Variants in KCNN2 observed in about 807,000 individuals in gnomAD.
KCNN2 encodes small conductance calcium-activated potassium channel protein 2.
A neutral mutation model predicts 55.5 loss-of-function variants in KCNN2; 24 were observed. The observed-to-expected ratio is 0.43, with a 90% CI of 0.31 to 0.61. The LOEUF (loss-of-function observed/expected upper bound fraction) is 0.61, where lower values mean the gene tolerates loss of function less well. Ranked by LOEUF, KCNN2 falls within the 20% of genes least tolerant of loss-of-function variation. KCNN2 has a pLI of 0.08. For synonymous variants in KCNN2, 431 were observed against 336.1 expected, an observed-to-expected ratio of 1.28 and a Z score of -3.09; for missense variants, 754 against 853.6, an observed-to-expected ratio of 0.88 and a Z score of 1.45.
At chr5:114,467,942 T>A (rs1761532974) in intron 4 of KCNN2, among the ~76,000 whole-genome samples, 2 of 152,176 alleles carry the variant, frequency 1.3e-5, no homozygotes, top group South Asian at 4.1e-4. Context: ...ACCAGTTTTA[T>A]GAGGTACTTC....
intron 1 of KCNN2, among the ~76,000 whole-genome samples, chr5:114,207,460 T>G (rs535058391): frequency 1.3e-5 from 2 of 152,346 alleles, no homozygotes; most frequent in Non-Finnish European, 2.9e-5. Context: ...TTGGCTAACT[T>G]TTAATACCCA....
chr5:114,087,947 G>T (rs907400973), intron 1 of KCNN2, among the ~76,000 whole-genome samples: 16 of 151,734 alleles, frequency 1.1e-4, no homozygotes, highest in Non-Finnish European at 2.1e-4. Context: ...TTCTATGTGG[G>T]TTATAAATCT....
chr5:114,244,429 CT>C (rs1224741795), intron 2 of KCNN2, among the ~76,000 whole-genome samples: 1 of 152,010 alleles, frequency 6.6e-6, no homozygotes, highest in African/African-American at 2.4e-5. Flanking sequence ...AACCTTGTCT[CT>C]GCTAAAAATA....
At chr5:114,410,011 G>A (rs1759080718) in intron 3 of KCNN2, among the ~76,000 whole-genome samples, 1 of 152,146 alleles carries the variant, frequency 6.6e-6, no homozygotes, top group Non-Finnish European at 1.5e-5. Flanking sequence ...TCTGGTTATG[G>A]TTTGGCTTTG....
At chr5:114,448,201 C>G (rs1760498234) in intron 3 of KCNN2, among the ~76,000 whole-genome samples, 1 of 152,024 alleles carries the variant, frequency 6.6e-6, no homozygotes, top group South Asian at 2.1e-4. Flanking sequence ...TCTTGTTACC[C>G]AACTCTTCTT....
intron 2 of KCNN2, among the ~76,000 whole-genome samples, chr5:114,284,618 A>G (rs932667510): frequency 9.9e-5 from 15 of 152,086 alleles, no homozygotes; most frequent in Non-Finnish European, 4.4e-5. Flanking sequence ...CCGTGGTTCA[A>G]GTGATTCTCC....
Position 114,364,014 on chromosome 5 carries a change from C to A in KCNN2, c.1218+13C>A, listed in dbSNP as rs1202274579. 1 of 1,593,804 alleles carries A rather than the reference C, an allele frequency of 6.3e-7. No homozygotes were observed. The highest frequency in any genetic ancestry group is 2.2e-5 in the East Asian group (1 of 44,730). ...CAGGGAAATACAGGTAACTTAGGTC[C>A]TGCTGTTTATGAATGACCCAAAGCC... On this transcript the variant is annotated intron_variant, in intron 2 of 7. Transcript: ENST00000673685.
intron 1 of KCNN2, among the ~76,000 whole-genome samples, chr5:114,175,119 G>A (rs1052424877): frequency 2.0e-5 from 3 of 152,058 alleles, no homozygotes; most frequent in African/African-American, 7.2e-5. Context: ...TATAAGCTGT[G>A]GTTTCAGAAA....
At chr5:114,291,055 TGTG>T (rs1755876470) in intron 2 of KCNN2, among the ~76,000 whole-genome samples, 1 of 152,112 alleles carries the variant, frequency 6.6e-6, no homozygotes, top group Non-Finnish European at 1.5e-5. Flanking sequence ...CTGCTAGAAT[TGTG>T]TTTTTGTGCA....
At chr5:114,157,251 CGGTGTTT>C (rs1202558483) in intron 1 of KCNN2, among the ~76,000 whole-genome samples, 1 of 150,004 alleles carries the variant, frequency 6.7e-6, no homozygotes, top group African/African-American at 2.5e-5. Flanking sequence ...TGAGAACATG[CGGTGTTT>C]GGCCCTTTGT....
intron 1 of KCNN2, among the ~76,000 whole-genome samples, chr5:114,107,739 TA>T (rs1751518763): frequency 6.6e-6 from 1 of 152,008 alleles, no homozygotes; most frequent in Non-Finnish European, 1.5e-5. Context: ...CCACCATAAA[TA>T]AAACAGCTAG....
At chr5:114,487,873 A>G (rs926771578) in intron 6 of KCNN2, among the ~76,000 whole-genome samples, 2 of 152,114 alleles carry the variant, frequency 1.3e-5, no homozygotes, top group Admixed American at 6.6e-5. Flanking sequence ...TCTTAATTCT[A>G]TATGGAGAAG....
intron 2 of KCNN2, among the ~76,000 whole-genome samples, chr5:114,392,598 A>G (rs1758479294): frequency 6.6e-6 from 1 of 152,028 alleles, no homozygotes. Context: ...ATAGCTTTTC[A>G]ATTTTTTCCC....
At chr5:114,217,647 T>C (rs1449758812) in intron 1 of KCNN2, among the ~76,000 whole-genome samples, 1 of 152,104 alleles carries the variant, frequency 6.6e-6, no homozygotes, top group Non-Finnish European at 1.5e-5. Context: ...AGTATAAAAC[T>C]TGTAGGAGAT....
At chr5:114,446,102 G>A (rs1393703305) in intron 3 of KCNN2, among the ~76,000 whole-genome samples, 1 of 152,180 alleles carries the variant, frequency 6.6e-6, no homozygotes, top group Non-Finnish European at 1.5e-5. Context: ...TGAACTAGGG[G>A]AGTACTACCT....
intron 1 of KCNN2, among the ~76,000 whole-genome samples, chr5:114,211,415 A>G (rs958376464): frequency 2.6e-5 from 4 of 152,174 alleles, no homozygotes; most frequent in African/African-American, 9.6e-5. Context: ...TTGCAGAAAC[A>G]TGGATGGAGC....
intron 2 of KCNN2, among the ~76,000 whole-genome samples, chr5:114,401,779 G>T (rs576746519): frequency 1.3e-5 from 2 of 152,304 alleles, no homozygotes; most frequent in East Asian, 3.9e-4. Context: ...GATTAGGTTG[G>T]TGTGTTCTGG....
At chr5:114,483,737 G>GTGTA (rs1287237840) in intron 5 of KCNN2, among the ~76,000 whole-genome samples, 7 of 151,902 alleles carry the variant, frequency 4.6e-5, no homozygotes, top group Admixed American at 3.9e-4. Context: ...GTGTGTGTGT[G>GTGTA]TGTGTGTAAA....
chr5:114,471,033 T>TAATC (rs1220259046), intron 4 of KCNN2, among the ~76,000 whole-genome samples: 1 of 152,236 alleles, frequency 6.6e-6, no homozygotes, highest in Non-Finnish European at 1.5e-5. Flanking sequence ...ATTATTTTGA[T>TAATC]AATCATATTG....
Sources: allele counts gnomAD v4.1 joint callset (sites outside exome capture counted in the v4.1 genomes callset), GRCh38; gene constraint gnomAD v4.1.1; transcripts MANE v1.5; gene names NCBI Gene and HGNC (gene_info 2026-07-23, HGNC 2026-07-21).